PPP2R2B: variants seen among roughly 807,000 people sequenced by gnomAD.
PPP2R2B encodes the protein serine/threonine-protein phosphatase 2A 55 kDa regulatory subunit B beta isoform.
In PPP2R2B, 5 loss-of-function variants were observed where a neutral mutation model predicts 46.0. The ratio of observed to expected loss-of-function variants is 0.11; its 90% CI spans 0.06 to 0.23. The LOEUF (loss-of-function observed/expected upper bound fraction) is 0.23. PPP2R2B is among the 10% of genes least tolerant of loss of function. PPP2R2B has a pLI of 1.00. For missense variants in PPP2R2B, 367 were observed against 575.0 expected, an observed-to-expected ratio of 0.64 and a Z score of 3.70; for synonymous variants, 215 against 206.7, an observed-to-expected ratio of 1.04 and a Z score of -0.34.
intron 6 of PPP2R2B, among the ~76,000 whole-genome samples, chr5:146,641,873 G>T (rs1374889015): frequency 6.6e-6 from 1 of 152,042 alleles, no homozygotes; most frequent in Non-Finnish European, 1.5e-5. Flanking sequence ...ATCCTTTAGA[G>T]CTCTCTATCC....
At chr5:147,040,538 G>A (rs1756243668) in intron 1 of PPP2R2B, among the ~76,000 whole-genome samples, 1 of 152,100 alleles carries the variant, frequency 6.6e-6, no homozygotes, top group Non-Finnish European at 1.5e-5. Flanking sequence ...TGGAGAAATT[G>A]TAGGAGAACC....
At chr5:146,809,659 C>G (rs1685351685) in intron 2 of PPP2R2B, among the ~76,000 whole-genome samples, 1 of 152,138 alleles carries the variant, frequency 6.6e-6, no homozygotes, top group African/African-American at 2.4e-5. Flanking sequence ...AGGCTGTGGG[C>G]ACACAGAGAC....
At chr5:147,012,126 T>C (rs1754766278) in intron 1 of PPP2R2B, among the ~76,000 whole-genome samples, 1 of 150,702 alleles carries the variant, frequency 6.6e-6, no homozygotes, top group East Asian at 1.9e-4. Context: ...TCTTTTTCTA[T>C]TGATTGGAAT....
intron 6 of PPP2R2B, among the ~76,000 whole-genome samples, chr5:146,647,492 A>G (rs1775665654): frequency 6.6e-6 from 1 of 152,240 alleles, no homozygotes; most frequent in African/African-American, 2.4e-5. Flanking sequence ...ATCACTTATC[A>G]TCGTTCTCAT....
rs36219835 is a variant in PPP2R2B at position 146,865,293 on chromosome 5, GACACACAC to G, written c.70+12701_70+12708del. Among the ~76,000 whole-genome samples the G allele has an allele frequency of 5.7e-3, 837 of 146,012 alleles. 12 individuals are homozygous for G. Among genetic ancestry groups the G allele is most frequent in the South Asian group, 0.017 (78 of 4,572 alleles). On this transcript the variant is annotated intron_variant, in intron 2 of 9. Coordinates refer to ENST00000394411, the MANE Select transcript of PPP2R2B (RefSeq NM_181675.4). ...TCCATTCATCTCTCTCTTTGTCTCT[GACACACAC>G]ACACACACACACACACACACACACA...
chr5:146,990,459 A>T (rs1753645281), intron 1 of PPP2R2B, among the ~76,000 whole-genome samples: 2 of 152,152 alleles, frequency 1.3e-5, no homozygotes, highest in African/African-American at 2.4e-5. Context: ...GGTGGCAAGA[A>T]TGCACACTGA....
intron 7 of PPP2R2B, among the ~76,000 whole-genome samples, chr5:146,610,047 CACAG>C (rs1462125812): frequency 8.7e-6 from 1 of 115,470 alleles, no homozygotes; most frequent in Non-Finnish European, 1.7e-5. Context: ...GGGGGCAGGG[CACAG>C]ACAAACAAAA....
chr5:146,880,213 G>C (rs1229835264), upstream of PPP2R2B, among the ~76,000 whole-genome samples: 1 of 151,370 alleles, frequency 6.6e-6, no homozygotes, highest in African/African-American at 2.4e-5. Context: ...GTGTGTGTGT[G>C]TGTGTGTGTG....
chr5:146,662,118 G>A (rs537619749), intron 5 of PPP2R2B, among the ~76,000 whole-genome samples: 35 of 152,186 alleles, frequency 2.3e-4, no homozygotes, highest in African/African-American at 7.2e-4. Context: ...CCAAGCCTCC[G>A]AAGTATCACA....
At chr5:146,605,355 T>C (rs1189570334) in intron 7 of PPP2R2B, among the ~76,000 whole-genome samples, 3 of 152,188 alleles carry the variant, frequency 2.0e-5, no homozygotes, top group African/African-American at 7.2e-5. Flanking sequence ...CTCCCAGCTG[T>C]TGGATTCTAA....
intron 2 of PPP2R2B, among the ~76,000 whole-genome samples, chr5:146,865,634 T>C (rs1320093590): frequency 6.6e-6 from 1 of 152,218 alleles, no homozygotes; most frequent in Non-Finnish European, 1.5e-5. Flanking sequence ...TAATAAATGT[T>C]TTTAAAATAA....
upstream of PPP2R2B, among the ~76,000 whole-genome samples, chr5:146,883,427 C>T (rs1483184633): frequency 6.6e-6 from 1 of 152,282 alleles, no homozygotes; most frequent in African/African-American, 2.4e-5. Flanking sequence ...GACCTAGAAA[C>T]CTCAGTTTTA....
At chr5:147,047,187 G>A (rs1756583471) in intron 1 of PPP2R2B, among the ~76,000 whole-genome samples, 1 of 151,940 alleles carries the variant, frequency 6.6e-6, no homozygotes, top group South Asian at 2.1e-4. Flanking sequence ...ATTTGTTAAA[G>A]GACACAAAAT....
chr5:146,991,396 G>C (rs189550895), intron 1 of PPP2R2B, among the ~76,000 whole-genome samples: 8 of 152,212 alleles, frequency 5.3e-5, no homozygotes, highest in African/African-American at 1.9e-4. Flanking sequence ...GTAGAGAGTA[G>C]AATAGTGATT....
chr5:147,075,037 A>G (rs1757721814), intron 2 of PPP2R2B, among the ~76,000 whole-genome samples: 1 of 152,194 alleles, frequency 6.6e-6, no homozygotes, highest in South Asian at 2.1e-4. Context: ...CAGAAAGAAA[A>G]TGGTTATATG....
At chr5:146,885,263 A>G (rs367697787) in intron 1 of PPP2R2B, among the ~76,000 whole-genome samples, 2 of 152,336 alleles carry the variant, frequency 1.3e-5, no homozygotes, top group East Asian at 3.9e-4. Context: ...CAGATAGATG[A>G]GAGCCTGGCG....
Position 146,913,250 on chromosome 5 carries a change from G to A in PPP2R2B, c.79+142415C>T, listed in dbSNP as rs79564190. Among the ~76,000 whole-genome samples, 862 of 152,278 alleles carry A rather than the reference G, an allele frequency of 5.7e-3. 26 individuals carry two copies. In the East Asian group the frequency reaches 0.067, roughly 12 times the overall value. ...CCTTGTTATTATTATTGCCTCTTCA[G>A]GATGGTAGGAGAAGGCAGAGGGAAA... On this transcript the variant is annotated intron_variant, in intron 1 of 8. Transcript: ENST00000336640.
At chr5:146,629,721 CCCTCCCTCTCTT>C (rs1774298271) in intron 7 of PPP2R2B, among the ~76,000 whole-genome samples, 1 of 149,904 alleles carries the variant, frequency 6.7e-6, no homozygotes, top group Admixed American at 6.6e-5. Context: ...CTCTCTTTCT[CCCTCCCTCTCTT>C]CCTCCCTTCC....
At chr5:146,835,194 G>A (rs570319164) in intron 2 of PPP2R2B, among the ~76,000 whole-genome samples, 1 of 152,144 alleles carries the variant, frequency 6.6e-6, no homozygotes, top group African/African-American at 2.4e-5. Context: ...TACTGTAGCA[G>A]AAAAATTTTG....
Sources: allele counts gnomAD v4.1 joint callset (sites outside exome capture counted in the v4.1 genomes callset), GRCh38; gene constraint gnomAD v4.1.1; transcripts MANE v1.5; gene names NCBI Gene and HGNC (gene_info 2026-07-23, HGNC 2026-07-21).